Variants in NTN1 observed in about 807,000 individuals in gnomAD.
NTN1 encodes the protein netrin 1, also known as netrin-1.
A neutral mutation model predicts 54.2 loss-of-function variants in NTN1; 11 were observed. The observed-to-expected ratio is 0.20, with a 90% CI of 0.13 to 0.34. The LOEUF is 0.34. Among genes scored for constraint, NTN1 ranks in the 10% least tolerant of loss-of-function variants. The pLI is 1.00. For synonymous variants in NTN1, 371 were observed against 382.0 expected (o/e 0.97, Z 0.33); for missense variants, 740 against 893.1 (o/e 0.83, Z 2.18).
chr17:9,182,502 T>C (rs2092421328), intron 4 of NTN1, among the ~76,000 whole-genome samples: 1 of 152,222 alleles, frequency 6.6e-6, no homozygotes, highest in South Asian at 2.1e-4. Flanking sequence ...TATCCTGCCA[T>C]GGATCCTTCT....
chr17:9,099,458 T>A (rs1411130501), intron 2 of NTN1, among the ~76,000 whole-genome samples: 1 of 152,320 alleles, frequency 6.6e-6, no homozygotes, highest in African/African-American at 2.4e-5. Flanking sequence ...AGTAATTTAT[T>A]TGACCAAACA....
intron 2 of NTN1, among the ~76,000 whole-genome samples, chr17:9,056,505 G>C (rs2091980029): frequency 6.6e-6 from 1 of 152,204 alleles, no homozygotes; most frequent in African/African-American, 2.4e-5. Context: ...TGGCTAATGG[G>C]TACAAAGCAG....
intron 5 of NTN1, among the ~76,000 whole-genome samples, chr17:9,220,232 G>C (rs910179600): frequency 6.6e-6 from 1 of 152,180 alleles, no homozygotes; most frequent in Non-Finnish European, 1.5e-5. Flanking sequence ...TCTTGTCTGT[G>C]GAATGGGAAT....
intron 2 of NTN1, among the ~76,000 whole-genome samples, chr17:9,049,444 C>T (rs1390879964): frequency 6.6e-6 from 1 of 152,086 alleles, no homozygotes; most frequent in East Asian, 1.9e-4. Context: ...CCTGAACCAA[C>T]TGTTCAGAAT....
At chr17:9,078,948 T>C (rs1232302594) in intron 2 of NTN1, among the ~76,000 whole-genome samples, 1 of 152,252 alleles carries the variant, frequency 6.6e-6, no homozygotes, top group African/African-American at 2.4e-5. Context: ...ATTTAGGAAC[T>C]CTGGAGTGCA....
chr17:9,011,746 T>G, the NTN1 span, among the ~76,000 whole-genome samples: 1 of 152,094 alleles, frequency 6.6e-6, no homozygotes, highest in South Asian at 2.1e-4. Context: ...CGCACCACCA[T>G]GCCCAGCTAA....
chr17:9,222,044 A>C (rs1905375165), intron 6 of NTN1, among the ~76,000 whole-genome samples: 1 of 152,194 alleles, frequency 6.6e-6, no homozygotes, highest in African/African-American at 2.4e-5. Flanking sequence ...GCATACAGCC[A>C]GGGCATCCAT....
chr17:9,004,300 A>G, the NTN1 span, among the ~76,000 whole-genome samples: 1 of 152,230 alleles, frequency 6.6e-6, no homozygotes, highest in African/African-American at 2.4e-5. Flanking sequence ...AAGCATAGAT[A>G]GTAGAAACAG....
At position 9,182,563 on chromosome 17, in the gene NTN1, C is replaced by T. The variant is rs571554269; in HGVS notation, c.1358-353C>T. Among the ~76,000 whole-genome samples the T allele has an allele frequency of 2.5e-4, 38 of 152,338 alleles. No homozygotes were observed. In the South Asian group the frequency reaches 5.4e-3, roughly 22 times the overall value. ...GAGCAGGGCCCAGGTAGCCACATCACGATGAGCAGAGTGGCCTGGGGAAGC... is the reference window on the plus strand; with the variant it reads ...GAGCAGGGCCCAGGTAGCCACATCATGATGAGCAGAGTGGCCTGGGGAAGC... On this transcript the variant is annotated intron_variant, in intron 4 of 6. Coordinates refer to ENST00000173229, the MANE Select transcript of NTN1 (RefSeq NM_004822.3).
chr17:9,235,341 C>G (rs1905948593), intron 6 of NTN1, among the ~76,000 whole-genome samples: 1 of 152,204 alleles, frequency 6.6e-6, no homozygotes, highest in African/African-American at 2.4e-5. Flanking sequence ...TTTCTGAGAG[C>G]AATCTCATCT....
chr17:9,173,844 A>G (rs1478564716), intron 3 of NTN1: 1 of 152,310 alleles, frequency 6.6e-6, no homozygotes, highest in Non-Finnish European at 1.5e-5. Context: ...TGTCTGTTGC[A>G]TTCCTCTGTC....
intron 6 of NTN1, among the ~76,000 whole-genome samples, chr17:9,222,042 C>G (rs532720179): frequency 1.3e-5 from 2 of 152,240 alleles, no homozygotes; most frequent in African/African-American, 4.8e-5. Flanking sequence ...CCGCATACAG[C>G]CAGGGCATCC....
chr17:9,105,497 G>A (rs754704307), intron 2 of NTN1, among the ~76,000 whole-genome samples: 5 of 152,152 alleles, frequency 3.3e-5, no homozygotes, highest in East Asian at 1.9e-4. Flanking sequence ...CTGTGGAGAC[G>A]GCTTTGTTAT....
At chr17:9,072,672 A>T (rs985719762) in intron 2 of NTN1, among the ~76,000 whole-genome samples, 1 of 152,120 alleles carries the variant, frequency 6.6e-6, no homozygotes, top group African/African-American at 2.4e-5. Context: ...AGTGAGTGGG[A>T]GGCAGGGGTG....
Position 9,241,760 on chromosome 17 carries a change from C to G in NTN1, c.*1792C>G, listed in dbSNP as rs1201526071. 6.6e-6 allele frequency: 1 copy of G among 152,276 alleles called. No individual in the cohort carries two copies. Among genetic ancestry groups the G allele is most frequent in the African/African-American group, 2.4e-5 (1 of 41,456 alleles). 9.4% of individuals were successfully genotyped at this position (152,276 alleles called of 1,614,324 possible). Reference sequence around the variant, plus strand: ...ATGACAACCCTGTGGGACAGGGACTCATTATCACCAGCAAGGAGACTGGAG... The same window carrying G: ...ATGACAACCCTGTGGGACAGGGACTGATTATCACCAGCAAGGAGACTGGAG... On this transcript the variant is annotated 3_prime_UTR_variant, in exon 7 of 7. Coordinates refer to ENST00000173229, the MANE Select transcript of NTN1 (RefSeq NM_004822.3).
intron 5 of NTN1, chr17:9,183,479 C>T (rs1449277162): frequency 3.2e-5 from 12 of 380,446 alleles, no homozygotes; most frequent in South Asian, 1.2e-4. Context: ...GGCCGCAGAC[C>T]GCAGCATGCG....
intron 2 of NTN1, among the ~76,000 whole-genome samples, chr17:9,032,975 A>G (rs948733758): frequency 2.7e-5 from 2 of 73,174 alleles, no homozygotes; most frequent in East Asian, 4.9e-4. Flanking sequence ...TTTTTTTTTG[A>G]CAGAATCTCA....
At chr17:9,194,531 C>T (rs549712311) in intron 5 of NTN1, among the ~76,000 whole-genome samples, 1 of 152,274 alleles carries the variant, frequency 6.6e-6, no homozygotes, top group South Asian at 2.1e-4. Flanking sequence ...TCAGCACTGT[C>T]GACCTGGGGG....
At chr17:9,017,135 T>C (rs2091833600), upstream of NTN1, among the ~76,000 whole-genome samples, 1 of 152,170 alleles carries the variant, frequency 6.6e-6, no homozygotes, top group South Asian at 2.1e-4. Context: ...CCTATCAACA[T>C]TTAGGCATGG....
Sources: gnomAD v4.1 joint callset for allele counts (sites outside exome capture counted in the v4.1 genomes callset) on GRCh38, gnomAD v4.1.1 for gene constraint, MANE v1.5 for transcripts, NCBI Gene and HGNC (gene_info 2026-07-23, HGNC 2026-07-21) for gene names.